The following CDK7 variants were observed in gnomAD, a reference collection of about 807,000 sequenced individuals.
The protein encoded by CDK7 is cyclin-dependent kinase 7.
CDK7 carries 25 observed loss-of-function variants against 49.1 expected under a neutral mutation model. That is an observed-to-expected ratio of 0.51 (90% CI 0.37 to 0.71). The LOEUF is 0.71. CDK7 is among the 30% of genes least tolerant of loss of function. CDK7 has a pLI of 0.00. For missense variants in CDK7, 316 were observed against 411.7 expected, an observed-to-expected ratio of 0.77 and a Z score of 2.01; for synonymous variants, 107 against 140.0, an observed-to-expected ratio of 0.76 and a Z score of 1.67.
At chr5:69,241,090 C>T (rs1372452135) in intron 2 of CDK7, among the ~76,000 whole-genome samples, 3 of 152,086 alleles carry the variant, frequency 2.0e-5, no homozygotes, top group Non-Finnish European at 4.4e-5. Context: ...ATTCTGTTGG[C>T]ATATATACAT....
intron 2 of CDK7, among the ~76,000 whole-genome samples, chr5:69,242,416 G>A (rs1749454298): frequency 6.6e-6 from 1 of 152,056 alleles, no homozygotes; most frequent in Non-Finnish European, 1.5e-5. Flanking sequence ...TTCTTCATAT[G>A]GGCTCCTGGT....
rs777347357 is a variant in CDK7, at chr5:69,235,463, C to CA, written c.126+10_126+11insA. ...TGTCGCCATTAAGAAAGTGAGTTACCTTTTTATGTTGTTTTTAAGTCTCCT... is the reference window on the plus strand; with the variant it reads ...TGTCGCCATTAAGAAAGTGAGTTACCATTTTTATGTTGTTTTTAAGTCTCCT... On this transcript the variant is annotated intron_variant, in intron 2 of 11. Transcript: ENST00000256443. 1.3e-6 allele frequency: 2 copies of CA among 1,575,862 alleles called. No homozygotes were observed. The highest frequency in any genetic ancestry group is 4.5e-5 in the East Asian group (2 of 44,720).
intron 3 of CDK7, among the ~76,000 whole-genome samples, chr5:69,253,702 CTT>C (rs1183756842): frequency 6.6e-6 from 1 of 152,194 alleles, no homozygotes. Context: ...ATGCTGCACA[CTT>C]ATATATGTTG....
intron 3 of CDK7, among the ~76,000 whole-genome samples, chr5:69,253,872 G>A (rs1434886205): frequency 6.6e-6 from 1 of 152,120 alleles, no homozygotes; most frequent in Non-Finnish European, 1.5e-5. Context: ...GGTGAGGTGG[G>A]TAGATCGCCT....
chr5:69,265,856 G>A (rs1751118127), intron 8 of CDK7, among the ~76,000 whole-genome samples: 2 of 152,156 alleles, frequency 1.3e-5, no homozygotes, highest in South Asian at 2.1e-4. Context: ...GCTGCAAGGA[G>A]GTGATATCGT....
At chr5:69,269,334 C>A in intron 9 of CDK7, 41 bp downstream of exon 9, 1 of 1,377,420 alleles carries the variant, frequency 7.3e-7, no homozygotes, top group Non-Finnish European at 1.0e-6. Context: ...AATTAGGACT[C>A]TGTAAAGTTC....
chr5:69,260,959 A>G (rs1304028754), intron 7 of CDK7, among the ~76,000 whole-genome samples: 1 of 152,110 alleles, frequency 6.6e-6, no homozygotes, highest in Non-Finnish European at 1.5e-5. Context: ...CTGGGGCCAC[A>G]GGCACGCCCC....
rs1561371587 is a variant in CDK7 at position 69,267,291 on chromosome 5, CCT to C, written c.628-1915_628-1914del. Among the ~76,000 whole-genome samples, 26 of 115,484 alleles carry C rather than the reference CCT, an allele frequency of 2.3e-4. 1 individual carries two copies. Among genetic ancestry groups the C allele is most frequent in the Admixed American group, 1.2e-3 (11 of 9,318 alleles). 75.8% of individuals were successfully genotyped at this position (115,484 alleles called of 152,430 possible). ...TTTAGTATTTTTCTCTATAAGGATT[CCT>C]TTTTTTTTTTTTTTTTTTTTTTTTT... On this transcript the variant is annotated intron_variant, in intron 8 of 11. Transcript: ENST00000256443.
intron 2 of CDK7, among the ~76,000 whole-genome samples, chr5:69,238,663 ATT>A (rs200607900): frequency 1.4e-5 from 2 of 142,208 alleles, no homozygotes; most frequent in Admixed American, 7.1e-5. Context: ...TTTTTATTTT[ATT>A]TTTTTTTTTG....
intron 2 of CDK7, among the ~76,000 whole-genome samples, chr5:69,251,349 C>T (rs143270005): frequency 0.025 from 3,865 of 152,142 alleles, 168 homozygotes; most frequent in African/African-American, 0.086. Context: ...CCACCTGCCT[C>T]GGCCTCCCAA....
At chr5:69,235,222 C>T in intron 1 of CDK7, 172 bp from the exon 2 acceptor site, 1 of 750,706 alleles carries the variant, frequency 1.3e-6, no homozygotes, top group Non-Finnish European at 2.3e-6. Flanking sequence ...CCTGAGGGGC[C>T]TCTCCTTGCT....
At chr5:69,235,144 C>G in intron 1 of CDK7, 103 bp downstream of exon 1, 1 of 1,134,722 alleles carries the variant, frequency 8.8e-7, no homozygotes, top group South Asian at 1.4e-5. Context: ...GGCTTGGCTG[C>G]TCGTTCTCGT....
In CDK7 at chr5:69,258,801, C is replaced by T. The variant is rs1750647517; in HGVS notation, c.408+648C>T. Among the ~76,000 whole-genome samples the T allele has an allele frequency of 2.6e-5, 4 of 152,266 alleles. No individual in the cohort carries two copies. The South Asian group carries it at 8.3e-4, about 32-fold the overall frequency. ...ATTAAAACATAGGTTTTGACCCAGG[C>T]ATGGTGGCTCACTTTTGTGTTGCCA... On this transcript the variant is annotated intron_variant, in intron 6 of 11. Transcript: ENST00000256443.
At chr5:69,256,995 C>T (rs1286084885) in intron 5 of CDK7, among the ~76,000 whole-genome samples, 1 of 152,076 alleles carries the variant, frequency 6.6e-6, no homozygotes, top group East Asian at 1.9e-4. Flanking sequence ...AAATACTACT[C>T]AGGAATAGAA....
Position 69,273,017 on chromosome 5 carries a change from A to G in CDK7, c.840A>G (p.Pro280=). The change falls in exon 10 of 12, where the codon CCA becomes CCG. Residue 280 remains proline, a synonymous_variant. Transcript: ENST00000256443. ...DLIQGLFLFN[P]CARITATQAL... ...TACAAGGCTTATTCTTATTTAATCC[A>G]TGTGCTCGAATTACGGCCACACAGG... The G allele has an allele frequency of 6.4e-7, 1 of 1,565,946 alleles. No homozygotes were observed. Among genetic ancestry groups the G allele is most frequent in the Non-Finnish European group, 8.7e-7 (1 of 1,151,446 alleles).
At chr5:69,275,577 G>A (rs1752034401) in intron 10 of CDK7, among the ~76,000 whole-genome samples, 2 of 152,148 alleles carry the variant, frequency 1.3e-5, no homozygotes, top group African/African-American at 4.8e-5. Flanking sequence ...CTTTTTGAAT[G>A]ATGACGTGAT....
At chr5:69,254,080 A>C (rs940083079) in intron 3 of CDK7, among the ~76,000 whole-genome samples, 7 of 152,236 alleles carry the variant, frequency 4.6e-5, no homozygotes, top group Admixed American at 1.3e-4. Flanking sequence ...AACCTGGCTG[A>C]CAGGGTGAAA....
intron 7 of CDK7, 71 bp from the exon 8 acceptor site, chr5:69,262,134 G>A (rs1263976246): frequency 6.3e-6 from 10 of 1,589,800 alleles, no homozygotes; most frequent in African/African-American, 5.4e-5. Context: ...GACAAGGATC[G>A]TTCATCCCTA....
chr5:69,260,841 A>G (rs995484985), intron 7 of CDK7, among the ~76,000 whole-genome samples: 2 of 152,182 alleles, frequency 1.3e-5, no homozygotes, highest in Admixed American at 1.3e-4. Flanking sequence ...TTTTTGAGAC[A>G]GGATCTCGCT....
Sources: allele counts gnomAD v4.1 joint callset (sites outside exome capture counted in the v4.1 genomes callset), GRCh38; gene constraint gnomAD v4.1.1; transcripts MANE v1.5; gene names NCBI Gene and HGNC (gene_info 2026-07-23, HGNC 2026-07-21).